The following OPRD1 variants were observed in gnomAD, a reference collection of about 807,000 sequenced individuals.
The protein encoded by OPRD1 is delta-type opioid receptor.
A neutral mutation model predicts 17.5 loss-of-function variants in OPRD1; 19 were observed. That is an observed-to-expected ratio of 1.09 (90% CI 0.76 to 1.60). OPRD1 has a LOEUF of 1.60. OPRD1 is among the 40% of genes most tolerant of loss of function. The pLI, the probability that OPRD1 is intolerant of heterozygous loss-of-function variation, is 0.00. For synonymous variants in OPRD1, 256 were observed against 240.9 expected, an observed-to-expected ratio of 1.06 and a Z score of -0.58; for missense variants, 483 against 547.2, an observed-to-expected ratio of 0.88 and a Z score of 1.17.
intron 1 of OPRD1, among the ~76,000 whole-genome samples, chr1:28,843,673 T>C (rs1385146114): frequency 6.6e-6 from 1 of 152,120 alleles, no homozygotes; most frequent in African/African-American, 2.4e-5. Context: ...CATGCTGGAG[T>C]GCAGTGGTGT....
At chr1:28,857,670 G>C (rs1426878305) in intron 1 of OPRD1, among the ~76,000 whole-genome samples, 1 of 152,076 alleles carries the variant, frequency 6.6e-6, no homozygotes, top group African/African-American at 2.4e-5. Context: ...GTTATTTGTA[G>C]ATATGGGGTT....
rs147412858 is a variant in OPRD1, at chr1:28,830,844, C to T, written c.227+18234C>T. 2.2e-3 allele frequency among the ~76,000 whole-genome samples: 342 copies of T among 152,322 alleles called. 1 individual carries two copies. Among genetic ancestry groups the T allele is most frequent in the African/African-American group, 7.9e-3 (330 of 41,578 alleles). Reference sequence around the variant, plus strand: ...TTTTAGGCAGAGGGAACAGCAAGGGCAAAGGTTAAGGGGGATGATGCTGTA... The same window carrying T: ...TTTTAGGCAGAGGGAACAGCAAGGGTAAAGGTTAAGGGGGATGATGCTGTA... On this transcript the variant is annotated intron_variant, in intron 1 of 2. Transcript: ENST00000234961.
intron 1 of OPRD1, among the ~76,000 whole-genome samples, chr1:28,836,166 C>T (rs373774697): frequency 2.0e-5 from 3 of 152,136 alleles, no homozygotes; most frequent in Admixed American, 6.5e-5. Context: ...TTAGCCCCTT[C>T]GTATAGTTCC....
chr1:28,833,682 C>G (rs931172944), intron 1 of OPRD1, among the ~76,000 whole-genome samples: 1 of 152,178 alleles, frequency 6.6e-6, no homozygotes, highest in Non-Finnish European at 1.5e-5. Context: ...GTCGACACAT[C>G]AGACTAACCA....
In OPRD1 at chr1:28,868,879, G is replaced by A. The variant is rs2089195938; in HGVS notation, c.*5596G>A. The A allele has an allele frequency of 6.6e-6, 1 of 152,178 alleles. No individual in the cohort carries two copies. The allele number at this position is 152,178 out of a possible 1,614,324, so 9.4% of individuals were successfully genotyped here. ...TTAAAAAGAAATGCTCCTCAAGTTG[G>A]AGAGGGCCCACTAGCATCCTGAGAG... is the stretch of plus-strand genomic sequence containing the variant. On this transcript the variant is annotated 3_prime_UTR_variant, in exon 3 of 3. Coordinates refer to ENST00000234961, the MANE Select transcript of OPRD1 (RefSeq NM_000911.4).
At chr1:28,814,453 C>G (rs1000392698) in intron 1 of OPRD1, among the ~76,000 whole-genome samples, 5 of 152,174 alleles carry the variant, frequency 3.3e-5, no homozygotes, top group African/African-American at 1.2e-4. Flanking sequence ...AAGAAGGGAG[C>G]TTGAGGGAGG....
intron 1 of OPRD1, among the ~76,000 whole-genome samples, chr1:28,827,493 CTTCAAGAAACCACTTTCTTG>C (rs572251397): frequency 9.9e-4 from 150 of 152,222 alleles, no homozygotes; most frequent in African/African-American, 3.2e-3. Context: ...TTGCGCCTAG[CTTCAAGAAACCACTTTCTTG>C]CTCATCTATA....
Position 28,812,303 on chromosome 1 carries a change from T to G in OPRD1, c.-81T>G. 2 of 1,024,092 alleles carry G rather than the reference T, an allele frequency of 2.0e-6. No individual in the cohort carries two copies. Among genetic ancestry groups the G allele is most frequent in the Non-Finnish European group, 2.5e-6 (2 of 805,600 alleles). 63.4% of individuals were successfully genotyped at this position (1,024,092 alleles called of 1,614,324 possible). Reference sequence around the variant, plus strand: ...CCGGCGGCGTCGGGGCCGCGGCCTCTGCCTTGCCGCTCCCCTCGCGTCGGA... The same window carrying G: ...CCGGCGGCGTCGGGGCCGCGGCCTCGGCCTTGCCGCTCCCCTCGCGTCGGA... On this transcript the variant is annotated 5_prime_UTR_variant, in exon 1 of 3. Coordinates refer to ENST00000234961, the MANE Select transcript of OPRD1 (RefSeq NM_000911.4).
intron 1 of OPRD1, among the ~76,000 whole-genome samples, chr1:28,850,071 A>G (rs549080): frequency 0.011 from 1,614 of 152,024 alleles, 12 homozygotes; most frequent in Non-Finnish European, 0.016. Context: ...TAGTGGAGAC[A>G]GGGTTTCACT....
chr1:28,828,068 AT>A lies in OPRD1; in HGVS notation c.227+15464del, dbSNP rs532015020. Among the ~76,000 whole-genome samples, 68 of 152,122 alleles carry A rather than the reference AT, an allele frequency of 4.5e-4. 2 individuals are homozygous for A. In the South Asian group the frequency reaches 0.014, roughly 31 times the overall value. ...TACCTAATGGCAACTAGAATGGTGA[AT>A]TTTTTCCAGCTTTCAGTTTCCTCTG... On this transcript the variant is annotated intron_variant, in intron 1 of 2. Coordinates refer to ENST00000234961, the MANE Select transcript of OPRD1 (RefSeq NM_000911.4).
At chr1:28,847,724 C>T (rs2088965799) in intron 1 of OPRD1, among the ~76,000 whole-genome samples, 1 of 151,834 alleles carries the variant, frequency 6.6e-6, no homozygotes, top group Non-Finnish European at 1.5e-5. Context: ...AACACAGCTA[C>T]TTGGGAGACT....
intron 2 of OPRD1, among the ~76,000 whole-genome samples, chr1:28,861,207 C>G (rs2089113502): frequency 6.6e-6 from 1 of 152,160 alleles, no homozygotes; most frequent in African/African-American, 2.4e-5. Context: ...TTCTTAGCCT[C>G]AAGTCCATCG....
chr1:28,857,633 A>T (rs2147749408), intron 1 of OPRD1, among the ~76,000 whole-genome samples: 1 of 151,056 alleles, frequency 6.6e-6, no homozygotes, highest in East Asian at 2.0e-4. Flanking sequence ...ATGCCTGGCT[A>T]ATTTTTGTAT....
intron 1 of OPRD1, among the ~76,000 whole-genome samples, chr1:28,858,186 T>C (rs1198597711): frequency 6.8e-6 from 1 of 147,246 alleles, no homozygotes; most frequent in Non-Finnish European, 1.5e-5. Context: ...CAATCTCGGC[T>C]CACTGCAAGC....
At chr1:28,846,846 T>TTTCTTTTCTTTCTTTCTTTC (rs769212543) in intron 1 of OPRD1, among the ~76,000 whole-genome samples, 18 of 76,952 alleles carry the variant, frequency 2.3e-4, no homozygotes, top group East Asian at 1.4e-3. Flanking sequence ...TCTTTCTTTC[T>TTTCTTTTCTTTCTTTCTTTC]TTTCTTTCTT....
rs141774129 is a variant in OPRD1, at chr1:28,868,982, G to T, written c.*5699G>T. ...GGCCAGCCCTCTCTTTGTGTCAGCC[G>T]CAGATCCCTCACCTAGGGCATGACT... On this transcript the variant is annotated 3_prime_UTR_variant, in exon 3 of 3. Transcript: ENST00000234961. The T allele has an allele frequency of 1.3e-5, 2 of 152,042 alleles. No homozygotes were observed. Among genetic ancestry groups the T allele is most frequent in the African/African-American group, 4.8e-5 (2 of 41,360 alleles). 9.4% of individuals were successfully genotyped at this position (152,042 alleles called of 1,614,324 possible). A position where few individuals can be genotyped will look rare whatever the true frequency, so the allele number is the denominator to read the frequency against.
Position 28,812,441 on chromosome 1 carries a change from T to C in OPRD1, c.58T>C (p.Ser20Pro). The C allele has an allele frequency of 6.7e-7, 1 of 1,499,612 alleles. No individual in the cohort carries two copies. 92.9% of individuals were successfully genotyped at this position (1,499,612 alleles called of 1,614,324 possible). A position where few individuals can be genotyped will look rare whatever the true frequency, so the allele number is the denominator to read the frequency against. ...GCAGCCCCCGCTCTTCGCCAACGCC[T>C]CGGACGCCTACCCTAGCGCCTGCCC... ...ELQPPLFANASDAYPSACPSA... is the reference protein window; with the variant it reads ...ELQPPLFANAPDAYPSACPSA... The change falls in exon 1 of 3, where the codon TCG becomes CCG. Residue 20 changes from serine (S) to proline (P), a missense_variant. Coordinates refer to ENST00000234961, the MANE Select transcript of OPRD1 (RefSeq NM_000911.4).
chr1:28,837,158 T>C (rs1222528616), intron 1 of OPRD1, among the ~76,000 whole-genome samples: 3 of 152,174 alleles, frequency 2.0e-5, no homozygotes, highest in Non-Finnish European at 4.4e-5. Flanking sequence ...ATAAGGAGCT[T>C]GCAACCTAGA....
In OPRD1 at chr1:28,857,786, C is replaced by T. The variant is rs142741563; in HGVS notation, c.228-1168C>T. On this transcript the variant is annotated intron_variant, in intron 1 of 2. Coordinates refer to ENST00000234961, the MANE Select transcript of OPRD1 (RefSeq NM_000911.4). ...TACAGGCATGAGCCACTGCACCTGG[C>T]TTAGGATTTTTCTTTTTTGTTTTTG... is the stretch of plus-strand genomic sequence containing the variant. 4.1e-3 allele frequency among the ~76,000 whole-genome samples: 617 copies of T among 152,160 alleles called. 5 individuals carry two copies. Among genetic ancestry groups the T allele is most frequent in the African/African-American group, 0.014 (564 of 41,522 alleles).
Sources: allele counts gnomAD v4.1 joint callset (sites outside exome capture counted in the v4.1 genomes callset), GRCh38; gene constraint gnomAD v4.1.1; transcripts MANE v1.5; gene names NCBI Gene and HGNC (gene_info 2026-07-23, HGNC 2026-07-21).